NOX3: variants seen among roughly 807,000 people sequenced by gnomAD.
NOX3 encodes NADPH oxidase 3.
In NOX3, 74 loss-of-function variants were observed where a neutral mutation model predicts 76.7. The ratio of observed to expected loss-of-function variants is 0.96; its 90% CI spans 0.80 to 1.17. NOX3 has a LOEUF of 1.17. Among genes scored for constraint, NOX3 ranks in the 50% most tolerant of loss-of-function variants. NOX3 has a pLI of 0.00. For synonymous variants in NOX3, 263 were observed against 261.1 expected, an observed-to-expected ratio of 1.01 and a Z score of -0.07; for missense variants, 695 against 703.3, an observed-to-expected ratio of 0.99 and a Z score of 0.13.
intron 3 of NOX3, among the ~76,000 whole-genome samples, chr6:155,453,855 T>C (rs1777177563): frequency 6.6e-6 from 1 of 152,166 alleles, no homozygotes; most frequent in South Asian, 2.1e-4. Flanking sequence ...AAGGCAAATA[T>C]GCATCTATAT....
chr6:155,400,197 G>C (rs1200365147), intron 12 of NOX3, among the ~76,000 whole-genome samples: 9 of 152,180 alleles, frequency 5.9e-5, no homozygotes, highest in Non-Finnish European at 1.0e-4. Flanking sequence ...TCACCCACCA[G>C]GAGATTTCAG....
chr6:155,453,610 A>G (rs1410706079), intron 3 of NOX3, 122 bp from the exon 4 acceptor site: 1 of 749,476 alleles, frequency 1.3e-6, no homozygotes, highest in Non-Finnish European at 2.4e-6. Context: ...GCTATGTGAC[A>G]CAAAAGTTAA....
intron 10 of NOX3, among the ~76,000 whole-genome samples, chr6:155,417,220 T>C (rs1018138795): frequency 1.3e-5 from 2 of 152,094 alleles, no homozygotes; most frequent in Non-Finnish European, 2.9e-5. Flanking sequence ...CTCTGCCTTC[T>C]ACACACACAC....
intron 4 of NOX3, among the ~76,000 whole-genome samples, chr6:155,447,485 A>T (rs545855781): frequency 6.6e-6 from 1 of 152,310 alleles, no homozygotes; most frequent in South Asian, 2.1e-4. Context: ...CTATTTACTT[A>T]TTCTTGTTGC....
intron 10 of NOX3, among the ~76,000 whole-genome samples, chr6:155,421,021 G>A (rs935193315): frequency 1.3e-5 from 2 of 152,196 alleles, no homozygotes; most frequent in African/African-American, 4.8e-5. Context: ...GTGAACTGCA[G>A]GCAGTATTTC....
At chr6:155,421,657 T>C (rs1776691349) in intron 10 of NOX3, among the ~76,000 whole-genome samples, 2 of 152,204 alleles carry the variant, frequency 1.3e-5, no homozygotes, top group South Asian at 2.1e-4. Flanking sequence ...AACTCCCTAA[T>C]ATTTAATTTT....
intron 9 of NOX3, among the ~76,000 whole-genome samples, chr6:155,426,821 G>C (rs1562464999): frequency 6.6e-6 from 1 of 152,124 alleles, no homozygotes; most frequent in African/African-American, 2.4e-5. Flanking sequence ...CTTCTTGGGG[G>C]ACTGGTTGAA....
intron 6 of NOX3, among the ~76,000 whole-genome samples, chr6:155,439,164 A>C: frequency 6.6e-6 from 1 of 152,184 alleles, no homozygotes; most frequent in East Asian, 1.9e-4. Flanking sequence ...GGTCAAGTTG[A>C]TCATGTATAT....
chr6:155,453,354 G>T, intron 4 of NOX3, 50 bp downstream of exon 4: 2 of 1,366,792 alleles, frequency 1.5e-6, no homozygotes, highest in Non-Finnish European at 1.0e-6. Flanking sequence ...AAACTATGAA[G>T]TTAGGCATCA....
intron 10 of NOX3, among the ~76,000 whole-genome samples, chr6:155,421,731 G>C (rs1776692252): frequency 6.6e-6 from 1 of 152,122 alleles, no homozygotes. Flanking sequence ...CTGGCCTCAA[G>C]TGATCCTCCC....
intron 4 of NOX3, among the ~76,000 whole-genome samples, chr6:155,446,260 TC>T (rs1777064067): frequency 6.6e-6 from 1 of 152,072 alleles, no homozygotes; most frequent in Non-Finnish European, 1.5e-5. Context: ...GAAAGGCTTA[TC>T]TAGCAGGAGT....
intron 10 of NOX3, among the ~76,000 whole-genome samples, chr6:155,413,341 T>C (rs1199483395): frequency 6.6e-6 from 1 of 150,716 alleles, no homozygotes; most frequent in African/African-American, 2.4e-5. Flanking sequence ...AGCAAGGAGA[T>C]GGGCGAGGGG....
chr6:155,422,736 C>A lies in NOX3; in HGVS notation c.1266G>T (p.Trp422Cys). 1 of 1,614,170 alleles carries A rather than the reference C, an allele frequency of 6.2e-7. No homozygotes were observed. The highest frequency in any genetic ancestry group is 8.5e-7 in the Non-Finnish European group (1 of 1,180,026). ...TPFAALLKSI[W>C]YKCSEAQTPL... Reference sequence around the variant, plus strand: ...GGGTCTGTGCCTCACTGCATTTGTACCATATAGATTTCAGAAGAGCAGCGA... The same window carrying A: ...GGGTCTGTGCCTCACTGCATTTGTAACATATAGATTTCAGAAGAGCAGCGA... The change falls in exon 10 of 14, where the codon TGG becomes TGT. Residue 422 changes from tryptophan to cysteine, a missense_variant. By Grantham distance (215) the Trp-to-Cys change is radical. Transcript: ENST00000159060.
chr6:155,447,693 C>T (rs1257171502), intron 4 of NOX3, among the ~76,000 whole-genome samples: 8 of 152,192 alleles, frequency 5.3e-5, no homozygotes, highest in Non-Finnish European at 1.0e-4. Context: ...GTAGAACATA[C>T]AAAGTGGAAT....
chr6:155,443,408 G>C lies in NOX3; in HGVS notation c.351C>G (p.Ile117Met). 6.2e-7 allele frequency: 1 copy of C among 1,613,854 alleles called. No individual in the cohort carries two copies. Among genetic ancestry groups the C allele is most frequent in the Non-Finnish European group, 8.5e-7 (1 of 1,179,830 alleles). ...YGIAVNATIH[I>M]VAHFFNLERY... Reference sequence around the variant, plus strand: ...GTTCCAGGTTGAAGAAATGCGCCACGATGTGGATGGCTAGGACAAGGAGAT... The same window carrying C: ...GTTCCAGGTTGAAGAAATGCGCCACCATGTGGATGGCTAGGACAAGGAGAT... The change falls in exon 5 of 14, where the codon ATC becomes ATG. Residue 117 changes from isoleucine (I) to methionine (M), a missense_variant. Ile to Met is a conservative substitution (Grantham distance 10). Coordinates refer to ENST00000159060, the MANE Select transcript of NOX3 (RefSeq NM_015718.3).
rs764141487 is a variant in NOX3, at chr6:155,396,974, G to T, written c.1581-12C>A. Reference sequence around the variant, plus strand: ...CGCCAATACTGCTGCTGCAGTAGGGGTAAGAAAAGGAAATAAAATGTCACC... The same window carrying T: ...CGCCAATACTGCTGCTGCAGTAGGGTTAAGAAAAGGAAATAAAATGTCACC... On this transcript the variant is annotated splice_polypyrimidine_tract_variant and intron_variant, in intron 12 of 13. Transcript: ENST00000159060. 83 of 1,596,064 alleles carry T rather than the reference G, an allele frequency of 5.2e-5. 3 individuals carry two copies. The South Asian group carries it at 8.7e-4, about 17-fold the overall frequency.
At chr6:155,410,472 T>C (rs926265609) in intron 11 of NOX3, among the ~76,000 whole-genome samples, 2 of 152,220 alleles carry the variant, frequency 1.3e-5, no homozygotes, top group African/African-American at 2.4e-5. Context: ...TGTAACCTAG[T>C]AATCACTTCG....
chr6:155,433,657 G>C (rs1051909847), intron 7 of NOX3, among the ~76,000 whole-genome samples: 3 of 152,214 alleles, frequency 2.0e-5, no homozygotes, highest in Admixed American at 2.0e-4. Flanking sequence ...TAGCAGCAGA[G>C]TGCTGACAAA....
chr6:155,399,229 C>T (rs1335161958), intron 12 of NOX3, among the ~76,000 whole-genome samples: 1 of 148,866 alleles, frequency 6.7e-6, no homozygotes, highest in Non-Finnish European at 1.5e-5. Context: ...TAGATGTCAC[C>T]AAAGAGATTG....
Sources: allele counts gnomAD v4.1 joint callset (sites outside exome capture counted in the v4.1 genomes callset), GRCh38; gene constraint gnomAD v4.1.1; transcripts MANE v1.5; gene names NCBI Gene and HGNC (gene_info 2026-07-23, HGNC 2026-07-21).